FATE1: variants seen among roughly 807,000 people sequenced by gnomAD.
The protein encoded by FATE1 is fetal and adult testis expressed 1, also known as fetal and adult testis-expressed transcript protein.
A neutral mutation model predicts 16.0 loss-of-function variants in FATE1; 18 were observed. That is an observed-to-expected ratio of 1.12 (90% CI 0.78 to 1.66). The LOEUF is 1.66. FATE1 is among the 40% of genes most tolerant of loss of function. FATE1 has a pLI of 0.00. For synonymous variants in FATE1, 76 were observed against 56.9 expected (o/e 1.34, Z -1.51); for missense variants, 169 against 152.7 (o/e 1.11, Z -0.56).
chrX:151,721,555 G>A, intron 3 of FATE1, 54 bp downstream of exon 3: 1 of 1,070,835 alleles, frequency 9.3e-7, no homozygotes, highest in East Asian at 3.0e-5. Flanking sequence ...CCGGAGTGGG[G>A]CAGAGGGGCT....
chrX:151,722,909 C>T lies in FATE1; in HGVS notation c.*150C>T, dbSNP rs1227611937. ...TTTTCAACTCTGGTTAGGCCTCCTA[C>T]CTGGGGAGGCCAGGTCACTGCACTG... is the stretch of plus-strand genomic sequence containing the variant. On this transcript the variant is annotated 3_prime_UTR_variant, in exon 5 of 5. Coordinates refer to ENST00000370350, the MANE Select transcript of FATE1 (RefSeq NM_033085.3). The T allele has an allele frequency of 8.2e-6, 6 of 728,723 alleles. No individual in the cohort carries two copies. Among genetic ancestry groups the T allele is most frequent in the Non-Finnish European group, 1.2e-5 (6 of 515,921 alleles). The allele number at this position is 728,723 out of a possible 1,213,427, so 60.1% of individuals were successfully genotyped here.
At chrX:151,717,861 G>A (rs1471671215) in intron 2 of FATE1, among the ~76,000 whole-genome samples, 1 of 110,845 alleles carries the variant, frequency 9.0e-6, no homozygotes, top group East Asian at 2.8e-4. Flanking sequence ...GGAGGCGGAC[G>A]GATCACTTGA....
intron 1 of FATE1, among the ~76,000 whole-genome samples, chrX:151,716,688 C>T (rs1046879806): frequency 6.3e-5 from 7 of 111,738 alleles, no homozygotes; most frequent in African/African-American, 2.3e-4. Flanking sequence ...CAAAGGGATC[C>T]AGATCACATT....
chrX:151,718,211 G>A (rs952469097), intron 2 of FATE1, among the ~76,000 whole-genome samples: 2 of 102,826 alleles, frequency 1.9e-5, no homozygotes, highest in South Asian at 8.8e-4. Context: ...AAGGAAGGAA[G>A]AAAGGAAGAA....
chrX:151,718,685 G>A (rs929158689), intron 2 of FATE1, among the ~76,000 whole-genome samples: 1 of 112,122 alleles, frequency 8.9e-6, no homozygotes, highest in African/African-American at 3.2e-5. Context: ...TTGTTGCAAA[G>A]GATACTGAGC....
chrX:151,718,488 A>G (rs192967754), intron 2 of FATE1, among the ~76,000 whole-genome samples: 4 of 112,323 alleles, frequency 3.6e-5, no homozygotes, highest in African/African-American at 9.7e-5. Flanking sequence ...AGCTACATTC[A>G]CTGTAGGTAA....
intron 1 of FATE1, 120 bp from the exon 2 acceptor site, chrX:151,717,152 G>C: frequency 1.2e-6 from 1 of 863,599 alleles, no homozygotes; most frequent in Non-Finnish European, 1.6e-6. Flanking sequence ...AGTGGTTAAT[G>C]GGTGCTGAGT....
intron 2 of FATE1, among the ~76,000 whole-genome samples, chrX:151,718,563 TGGAGAGGGA>T (rs2015087087): frequency 1.8e-5 from 2 of 112,346 alleles, no homozygotes; most frequent in Non-Finnish European, 3.8e-5. Context: ...GCAACAAGAT[TGGAGAGGGA>T]GGGAGGCCTG....
chrX:151,718,134 A>C lies in FATE1; in HGVS notation c.234+735A>C, dbSNP rs1349676441. Reference sequence around the variant, plus strand: ...AGAGGAAGGAAGGAAGGAAGGAAGGAAGGAAGGAAGGAAGGAAGGAAGGAA... The same window carrying C: ...AGAGGAAGGAAGGAAGGAAGGAAGGCAGGAAGGAAGGAAGGAAGGAAGGAA... On this transcript the variant is annotated intron_variant, in intron 2 of 4. Transcript: ENST00000370350. Among the ~76,000 whole-genome samples, 3 of 84,358 alleles carry C rather than the reference A, an allele frequency of 3.6e-5. No homozygotes were observed. In the East Asian group the frequency reaches 1.0e-3, roughly 28 times the overall value. 73.3% of individuals were successfully genotyped at this position (84,358 alleles called of 115,157 possible). A position where few individuals can be genotyped will look rare whatever the true frequency, so the allele number is the denominator to read the frequency against.
At chrX:151,722,359 C>T (rs780885809) in intron 4 of FATE1, among the ~76,000 whole-genome samples, 3 of 112,335 alleles carry the variant, frequency 2.7e-5, no homozygotes, top group South Asian at 3.7e-4. Context: ...CTTGGCTCCC[C>T]GGCGCAGCTG....
At chrX:151,717,685 G>A (rs776786548) in intron 2 of FATE1, among the ~76,000 whole-genome samples, 6 of 111,102 alleles carry the variant, frequency 5.4e-5, no homozygotes, top group Non-Finnish European at 7.5e-5. Flanking sequence ...GTGAAATAAC[G>A]CTTTCCTGTA....
chrX:151,722,957 C>A lies in FATE1; in HGVS notation c.*198C>A. 2.1e-6 allele frequency: 1 copy of A among 475,562 alleles called. No homozygotes were observed. Among genetic ancestry groups the A allele is most frequent in the Non-Finnish European group, 3.4e-6 (1 of 295,065 alleles). 39.2% of individuals were successfully genotyped at this position (475,562 alleles called of 1,213,427 possible). ...CTGGGAGGTCCTGGCTGCTGCGAAG[C>A]TGGAGGAGGACTGCGTGGGCTGAGA... On this transcript the variant is annotated 3_prime_UTR_variant, in exon 5 of 5. Coordinates refer to ENST00000370350, the MANE Select transcript of FATE1 (RefSeq NM_033085.3).
chrX:151,722,067 C>G (rs2015121313), intron 4 of FATE1, 86 bp downstream of exon 4: 1 of 834,970 alleles, frequency 1.2e-6, no homozygotes, highest in African/African-American at 2.0e-5. Context: ...CCTGTAGTCC[C>G]TTACAGTCAT....
chrX:151,716,441 GGA>G (rs1328836629), intron 1 of FATE1, among the ~76,000 whole-genome samples: 1 of 111,382 alleles, frequency 9.0e-6, no homozygotes, highest in Non-Finnish European at 1.9e-5. Context: ...GAGGAGGATG[GGA>G]ACAACATGTG....
chrX:151,721,528 G>A, intron 3 of FATE1, 27 bp downstream of exon 3: 1 of 1,164,888 alleles, frequency 8.6e-7, no homozygotes, highest in Non-Finnish European at 1.2e-6. Flanking sequence ...TGTGGGCCCT[G>A]GCTGCTCAGA....
At position 151,721,510 on chromosome X, in the gene FATE1, T is replaced by G; in HGVS notation, c.341+9T>G. 8.4e-7 allele frequency: 1 copy of G among 1,192,392 alleles called. No individual in the cohort carries two copies. Among genetic ancestry groups the G allele is most frequent in the Non-Finnish European group, 1.1e-6 (1 of 878,196 alleles). The stretch of plus-strand genomic sequence containing the variant: ...CGTTTCCATTATGATCGGTAAGAGC[T>G]GAGGGTCTGTGGGCCCTGGCTGCTC... On this transcript the variant is annotated intron_variant, in intron 3 of 4. Transcript: ENST00000370350.
chrX:151,722,576 G>A, intron 4 of FATE1, 52 bp from the exon 5 acceptor site: 4 of 1,208,922 alleles, frequency 3.3e-6, no homozygotes, highest in Non-Finnish European at 4.5e-6. Context: ...CTGTGCTGTG[G>A]GCTTCTGGAG....
chrX:151,717,713 G>C (rs2015074158), intron 2 of FATE1, among the ~76,000 whole-genome samples: 1 of 106,832 alleles, frequency 9.4e-6, no homozygotes, highest in Admixed American at 9.7e-5. Context: ...TTATGTGTGT[G>C]GTACGTGTGT....
intron 2 of FATE1, among the ~76,000 whole-genome samples, chrX:151,718,057 G>A (rs183321290): frequency 1.5e-3 from 164 of 106,689 alleles, no homozygotes; most frequent in African/African-American, 5.4e-3. Flanking sequence ...CTGCACTCCA[G>A]CCTGGGCAAC....
Sources: allele counts gnomAD v4.1 joint callset (sites outside exome capture counted in the v4.1 genomes callset), GRCh38; gene constraint gnomAD v4.1.1; transcripts MANE v1.5; gene names NCBI Gene and HGNC (gene_info 2026-07-23, HGNC 2026-07-21).